ZAP70: variants seen among roughly 807,000 people sequenced by gnomAD.
ZAP70 encodes the protein zeta chain of T cell receptor associated protein kinase 70.
In ZAP70, 27 loss-of-function variants were observed where a neutral mutation model predicts 65.8. The ratio of observed to expected loss-of-function variants is 0.41; its 90% CI spans 0.30 to 0.57. ZAP70 has a LOEUF of 0.57. Among genes scored for constraint, ZAP70 ranks in the 20% least tolerant of loss-of-function variants. ZAP70 has a pLI of 0.28. For synonymous variants in ZAP70, 363 were observed against 360.8 expected (o/e 1.01, Z -0.07); for missense variants, 696 against 870.5 (o/e 0.80, Z 2.52).
chr2:97,749,242 C>T, the ZAP70 span, among the ~76,000 whole-genome samples: 1 of 152,146 alleles, frequency 6.6e-6, no homozygotes, highest in Non-Finnish European at 1.5e-5. Context: ...ATCTCCTGAC[C>T]TCGGGATCCG....
the ZAP70 span, among the ~76,000 whole-genome samples, chr2:97,745,424 A>G: frequency 6.6e-6 from 1 of 152,270 alleles, no homozygotes; most frequent in Non-Finnish European, 1.5e-5. Context: ...CATTTATCTG[A>G]TAAGGATTTA....
At chr2:97,727,606 A>T (rs542043003) in intron 4 of ZAP70, among the ~76,000 whole-genome samples, 2 of 152,224 alleles carry the variant, frequency 1.3e-5, no homozygotes, top group Non-Finnish European at 2.9e-5. Context: ...CAGGCTGGAC[A>T]CGCGAAGAAG....
Position 97,733,183 on chromosome 2 carries a change from G to A in ZAP70, c.761G>A (p.Cys254Tyr), listed in dbSNP as rs770442214. The stretch of plus-strand genomic sequence containing the variant: ...CTCATCTACTGCCTGAAGGAGGCCT[G>A]CCCCAACAGCAGTGCCAGCAACGCC... ...DGLIYCLKEACPNSSASNASG... is the reference protein window; with the variant it reads ...DGLIYCLKEAYPNSSASNASG... Residue 254 changes from cysteine to tyrosine, a missense_variant, in exon 6 of 14, where the codon TGC becomes TAC. By Grantham distance (194) the Cys-to-Tyr change is radical. Transcript: ENST00000264972. 1 of 1,613,774 alleles carries A rather than the reference G, an allele frequency of 6.2e-7. No homozygotes were observed. The highest frequency in any genetic ancestry group is 1.7e-5 in the Admixed American group (1 of 60,012).
chr2:97,744,194 T>C (rs1573297427), downstream of ZAP70, among the ~76,000 whole-genome samples: 1 of 152,214 alleles, frequency 6.6e-6, no homozygotes, highest in African/African-American at 2.4e-5. Flanking sequence ...CGGCAGGCCC[T>C]GGCCCGGTGC....
chr2:97,728,749 A>G (rs1421745284), intron 4 of ZAP70, among the ~76,000 whole-genome samples: 1 of 152,104 alleles, frequency 6.6e-6, no homozygotes, highest in East Asian at 1.9e-4. Flanking sequence ...AAGAGAGTAC[A>G]TTGTCAAGTG....
intron 9 of ZAP70, 144 bp from the exon 10 acceptor site, chr2:97,735,106 T>C: frequency 3.1e-6 from 3 of 964,894 alleles, no homozygotes; most frequent in Non-Finnish European, 4.7e-6. Flanking sequence ...GCAGGGACAT[T>C]GAGCGCCTTG....
At chr2:97,724,975 A>G in intron 3 of ZAP70, 117 bp from the exon 4 acceptor site, 1 of 1,543,686 alleles carries the variant, frequency 6.5e-7, no homozygotes, top group Non-Finnish European at 8.7e-7. Context: ...CCTGCCTAAC[A>G]CGCGCTAGGG....
chr2:97,726,776 G>A (rs117504524), intron 4 of ZAP70, among the ~76,000 whole-genome samples: 14 of 152,366 alleles, frequency 9.2e-5, no homozygotes, highest in South Asian at 4.1e-4. Flanking sequence ...CATGTTGCAC[G>A]TAATACTCAG....
rs781477800 is a variant in ZAP70, at chr2:97,733,559, G to A, written c.853G>A (p.Asp285Asn). 1.7e-5 allele frequency: 27 copies of A among 1,613,496 alleles called. No individual in the cohort carries two copies. Among genetic ancestry groups the A allele is most frequent in the Admixed American group, 3.3e-5 (2 of 59,990 alleles). Reference sequence around the variant, plus strand: ...TGGCCTTTAGCCTCAGAGACGAATCGACACCCTCAACTCAGATGGATACAC... The same window carrying A: ...TGGCCTTTAGCCTCAGAGACGAATCAACACCCTCAACTCAGATGGATACAC... ...STLTHPQRRI[D>N]TLNSDGYTPE... Residue 285 changes from aspartate (D) to asparagine (N), a missense_variant, in exon 8 of 14, where the codon GAC becomes AAC. Physicochemically the swap from Asp to Asn is conservative, Grantham distance 23. Coordinates refer to ENST00000264972, the MANE Select transcript of ZAP70 (RefSeq NM_001079.4).
downstream of ZAP70, among the ~76,000 whole-genome samples, chr2:97,740,933 A>G (rs570575311): frequency 6.6e-6 from 1 of 152,382 alleles, no homozygotes; most frequent in East Asian, 1.9e-4. Context: ...CCAGGGGGTC[A>G]TCGCCATCAT....
the ZAP70 span, among the ~76,000 whole-genome samples, chr2:97,752,281 T>G: frequency 3.9e-5 from 6 of 152,238 alleles, no homozygotes; most frequent in African/African-American, 1.2e-4. Context: ...GGATGTTTTG[T>G]AACCATTATT....
chr2:97,724,497 A>T, intron 3 of ZAP70, 59 bp downstream of exon 3: 1 of 1,504,622 alleles, frequency 6.6e-7, no homozygotes. Flanking sequence ...GGGGCAGTCG[A>T]GGGTTTTGGG....
intron 2 of ZAP70, among the ~76,000 whole-genome samples, chr2:97,721,785 CT>C (rs1462513008): frequency 1.9e-3 from 264 of 140,768 alleles, no homozygotes; most frequent in Non-Finnish European, 2.3e-3. Flanking sequence ...TTTATTTTAT[CT>C]TTTTTTTTTT....
intron 4 of ZAP70, 131 bp from the exon 5 acceptor site, chr2:97,732,751 TC>T: frequency 8.1e-6 from 11 of 1,364,982 alleles, no homozygotes; most frequent in South Asian, 1.3e-5. Context: ...TGGCCTGGCT[TC>T]CCCAGTCCCT....
intron 2 of ZAP70, among the ~76,000 whole-genome samples, chr2:97,716,059 G>A (rs539927282): frequency 2.6e-5 from 4 of 152,286 alleles, no homozygotes. Context: ...ACCCAGGCTG[G>A]GGAGGGGGCA....
chr2:97,738,853 AG>A (rs1284310515), intron 13 of ZAP70, among the ~76,000 whole-genome samples: 1 of 152,072 alleles, frequency 6.6e-6, no homozygotes, highest in East Asian at 1.9e-4. Flanking sequence ...GTACCCAAAG[AG>A]GCTAGCACCT....
rs754793583 is a variant in ZAP70, at chr2:97,733,151, G to A, written c.729G>A (p.Ala243=). 2.2e-5 allele frequency: 35 copies of A among 1,613,840 alleles called. No individual in the cohort carries two copies. The highest frequency in any genetic ancestry group is 1.8e-4 in the Admixed American group (11 of 60,004). ...WQLVEYLKLK[A]DGLIYCLKEA... ...TGGTGGAGTATCTGAAGCTGAAGGCGGACGGGCTCATCTACTGCCTGAAGG... is the reference window on the plus strand; with the variant it reads ...TGGTGGAGTATCTGAAGCTGAAGGCAGACGGGCTCATCTACTGCCTGAAGG... Residue 243 remains alanine, a synonymous_variant, in exon 6 of 14, where the codon GCG becomes GCA. Coordinates refer to ENST00000264972, the MANE Select transcript of ZAP70 (RefSeq NM_001079.4).
intron 2 of ZAP70, among the ~76,000 whole-genome samples, chr2:97,716,394 C>T (rs1388270177): frequency 5.3e-5 from 8 of 152,182 alleles, no homozygotes; most frequent in Non-Finnish European, 1.0e-4. Flanking sequence ...GCTCCACTCC[C>T]GTGGTGCTTA....
downstream of ZAP70, among the ~76,000 whole-genome samples, chr2:97,742,143 G>T (rs1559332399): frequency 6.6e-6 from 1 of 152,190 alleles, no homozygotes; most frequent in Non-Finnish European, 1.5e-5. Context: ...GCAAGGCCTG[G>T]TGCGGTGATC....
Sources: gnomAD v4.1 joint callset for allele counts (sites outside exome capture counted in the v4.1 genomes callset) on GRCh38, gnomAD v4.1.1 for gene constraint, MANE v1.5 for transcripts, NCBI Gene and HGNC (gene_info 2026-07-23, HGNC 2026-07-21) for gene names.